The following QPCT variants were observed in gnomAD, a reference collection of about 807,000 sequenced individuals.
QPCT encodes glutaminyl-peptide cyclotransferase.
In QPCT, 44 loss-of-function variants were observed where a neutral mutation model predicts 43.4. The observed-to-expected ratio is 1.01, with a 90% CI of 0.80 to 1.30. QPCT has a LOEUF of 1.30. QPCT is among the 50% of genes most tolerant of loss of function. The pLI is 0.00. For synonymous variants in QPCT, 168 were observed against 168.4 expected (o/e 1.00, Z 0.02); for missense variants, 526 against 436.5 (o/e 1.21, Z -1.83).
At chr2:37,367,455 C>A in intron 4 of QPCT, 47 bp downstream of exon 4, 1 of 1,572,282 alleles carries the variant, frequency 6.4e-7, no homozygotes, top group Non-Finnish European at 8.6e-7. Context: ...GGCTCCGCTT[C>A]CAAGGAAAAG....
chr2:37,369,608 A>C, intron 4 of QPCT, 77 bp from the exon 5 acceptor site: 1 of 1,084,954 alleles, frequency 9.2e-7, no homozygotes. Context: ...GTTAATTTTG[A>C]CTGATTGTAT....
In QPCT at chr2:37,372,954, ATG is replaced by A. The variant is rs1303739850; in HGVS notation, c.*131_*132del. 1.3e-6 allele frequency: 1 copy of A among 781,134 alleles called. No homozygotes were observed. The highest frequency in any genetic ancestry group is 3.4e-5 in the Admixed American group (1 of 29,298). The allele number at this position is 781,134 out of a possible 1,614,324, so 48.4% of individuals were successfully genotyped here. A position where few individuals can be genotyped will look rare whatever the true frequency, so the allele number is the denominator to read the frequency against. On this transcript the variant is annotated 3_prime_UTR_variant, in exon 7 of 7. Transcript: ENST00000338415. Reference sequence around the variant, plus strand: ...CTATCCTATAGATCATCCTATTCTTATGTGTCTTTGGTTATCAGATCAATTAC... The same window carrying A: ...CTATCCTATAGATCATCCTATTCTTATGTCTTTGGTTATCAGATCAATTAC...
intron 3 of QPCT, among the ~76,000 whole-genome samples, chr2:37,361,692 C>A (rs918909423): frequency 1.3e-5 from 2 of 152,218 alleles, no homozygotes; most frequent in African/African-American, 4.8e-5. Flanking sequence ...TCTAGATCAG[C>A]TGCTCCCTAG....
intron 2 of QPCT, among the ~76,000 whole-genome samples, chr2:37,356,508 C>T (rs1672749049): frequency 1.3e-5 from 2 of 152,170 alleles, no homozygotes; most frequent in South Asian, 4.1e-4. Flanking sequence ...CCACGCACTC[C>T]CTGCTTACGG....
chr2:37,348,125 G>A (rs893666096), intron 1 of QPCT, among the ~76,000 whole-genome samples: 6 of 151,838 alleles, frequency 4.0e-5, no homozygotes, highest in East Asian at 3.9e-4. Context: ...AAGCAACGAC[G>A]GAGACTCTCA....
At chr2:37,370,774 G>C (rs1673056433) in intron 5 of QPCT, among the ~76,000 whole-genome samples, 1 of 152,164 alleles carries the variant, frequency 6.6e-6, no homozygotes, top group Non-Finnish European at 1.5e-5. Flanking sequence ...GGGGCTTGGA[G>C]AAAGAAAAGG....
chr2:37,355,260 A>G (rs1411868346), intron 2 of QPCT, among the ~76,000 whole-genome samples: 4 of 152,216 alleles, frequency 2.6e-5, no homozygotes, highest in Non-Finnish European at 2.9e-5. Context: ...TAAGCTGTGG[A>G]AGACAAAGGA....
intron 1 of QPCT, among the ~76,000 whole-genome samples, chr2:37,349,543 T>G (rs1256759588): frequency 2.0e-5 from 3 of 152,232 alleles, no homozygotes; most frequent in Non-Finnish European, 4.4e-5. Flanking sequence ...GAGTGAAAGC[T>G]TCTATCCACA....
intron 3 of QPCT, among the ~76,000 whole-genome samples, chr2:37,360,954 G>A (rs1424293784): frequency 6.6e-6 from 1 of 152,138 alleles, no homozygotes; most frequent in Non-Finnish European, 1.5e-5. Flanking sequence ...ACATTGTTCT[G>A]TGTAATGGAT....
chr2:37,357,005 CAAAAA>C (rs1290865213), intron 2 of QPCT, among the ~76,000 whole-genome samples: 1 of 90,692 alleles, frequency 1.1e-5, no homozygotes, highest in African/African-American at 3.3e-5. Flanking sequence ...GACTCCGTCT[CAAAAA>C]AAAAAAAAAA....
In QPCT at chr2:37,344,812, G is replaced by C. The variant is rs755684597; in HGVS notation, c.81G>C (p.Arg27Ser). The C allele has an allele frequency of 1.2e-6, 2 of 1,608,698 alleles. No individual in the cohort carries two copies. Among genetic ancestry groups the C allele is most frequent in the East Asian group, 4.5e-5 (2 of 44,596 alleles). Residue 27 changes from arginine (R) to serine (S), a missense_variant, in exon 1 of 7, where the codon AGG (arginine) becomes AGC (serine). Physicochemically the swap from Arg to Ser is moderately radical, Grantham distance 110. Transcript: ENST00000338415. ...LLVAALPWASRGVSPSASAWP... is the reference protein window; with the variant it reads ...LLVAALPWASSGVSPSASAWP... ...TGGCCGCCCTGCCCTGGGCATCCAG[G>C]GGGGTCAGTCCGAGTGCCTCAGCCT...
In QPCT at chr2:37,344,766, C is replaced by T. The variant is rs1465200719; in HGVS notation, c.35C>T (p.Thr12Ile). ...GGAAGACACCGGCGCGTCGTGGGCACCCTCCACCTGCTGCTGCTGGTGGCC... is the reference window on the plus strand; with the variant it reads ...GGAAGACACCGGCGCGTCGTGGGCATCCTCCACCTGCTGCTGCTGGTGGCC... ...AGGRHRRVVG[T>I]LHLLLLVAAL... The change falls in exon 1 of 7, where the codon ACC becomes ATC. Residue 12 changes from threonine (T) to isoleucine (I), a missense_variant. Thr to Ile is a moderately conservative substitution (Grantham distance 89). Transcript: ENST00000338415. The T allele has an allele frequency of 1.9e-6, 3 of 1,608,716 alleles. No individual in the cohort carries two copies. The highest frequency in any genetic ancestry group is 2.7e-5 in the African/African-American group (2 of 74,682).
At chr2:37,364,348 C>T (rs1399986930) in intron 3 of QPCT, among the ~76,000 whole-genome samples, 1 of 152,050 alleles carries the variant, frequency 6.6e-6, no homozygotes, top group Non-Finnish European at 1.5e-5. Flanking sequence ...GTGAGGGGAG[C>T]CCCAAGATAA....
chr2:37,352,680 A>C (rs1307920260), intron 1 of QPCT, 109 bp from the exon 2 acceptor site: 1 of 1,359,214 alleles, frequency 7.4e-7, no homozygotes, highest in Non-Finnish European at 1.0e-6. Context: ...CTCATTTGAC[A>C]TAAAGTTCTC....
chr2:37,372,985 A>G lies in QPCT; in HGVS notation c.*158A>G. The G allele has an allele frequency of 3.4e-6, 2 of 590,376 alleles. No individual in the cohort carries two copies. Among genetic ancestry groups the G allele is most frequent in the Non-Finnish European group, 5.4e-6 (2 of 368,596 alleles). The allele number at this position is 590,376 out of a possible 1,614,324, so 36.6% of individuals were successfully genotyped here. On this transcript the variant is annotated 3_prime_UTR_variant, in exon 7 of 7. Transcript: ENST00000338415. ...CTTTGGTTATCAGATCAATTACAGA[A>G]TAATTGTGTTGTGATATTGTGTCCT...
At chr2:37,350,165 G>A (rs1349611224) in intron 1 of QPCT, among the ~76,000 whole-genome samples, 4 of 152,186 alleles carry the variant, frequency 2.6e-5, no homozygotes, top group South Asian at 4.1e-4. Flanking sequence ...AGAAAGCACC[G>A]CAGATGCCAA....
chr2:37,352,532 A>G (rs1672642632), intron 1 of QPCT, among the ~76,000 whole-genome samples: 2 of 152,106 alleles, frequency 1.3e-5, no homozygotes, highest in Admixed American at 1.3e-4. Context: ...AGGTCTCATT[A>G]TGTTGCCAGG....
chr2:37,368,796 A>G, intron 4 of QPCT: 4 of 401,378 alleles, frequency 1.0e-5, no homozygotes, highest in Non-Finnish European at 2.0e-5. Flanking sequence ...AGCCACAGTG[A>G]TTCATATATT....
At chr2:37,358,204 G>A (rs935875593) in intron 2 of QPCT, among the ~76,000 whole-genome samples, 1 of 151,016 alleles carries the variant, frequency 6.6e-6, no homozygotes, top group African/African-American at 2.4e-5. Flanking sequence ...CTTGAGCCCA[G>A]GAGTTTGAGA....
Sources: allele counts gnomAD v4.1 joint callset (sites outside exome capture counted in the v4.1 genomes callset), GRCh38; gene constraint gnomAD v4.1.1; transcripts MANE v1.5; gene names NCBI Gene and HGNC (gene_info 2026-07-23, HGNC 2026-07-21).